RAB30: variants seen among roughly 807,000 people sequenced by gnomAD.
RAB30 encodes the protein RAB30, member RAS oncogene family.
In RAB30, 9 loss-of-function variants were observed where a neutral mutation model predicts 25.1. That is an observed-to-expected ratio of 0.36 (90% CI 0.22 to 0.63). The LOEUF (loss-of-function observed/expected upper bound fraction) is 0.63, where lower values mean the gene tolerates loss of function less well. RAB30 is among the 20% of genes least tolerant of loss of function. RAB30 has a pLI of 0.69. For missense variants in RAB30, 140 were observed against 243.5 expected (o/e 0.58, Z 2.83); for synonymous variants, 77 against 86.4 (o/e 0.89, Z 0.60).
intron 1 of RAB30, among the ~76,000 whole-genome samples, chr11:83,015,599 A>G (rs1857418571): frequency 6.6e-6 from 1 of 152,208 alleles, no homozygotes. Flanking sequence ...CTAAAGATAC[A>G]AACGTGAGGG....
intron 1 of RAB30, among the ~76,000 whole-genome samples, chr11:83,013,133 G>GA (rs1199874383): frequency 6.6e-6 from 1 of 151,826 alleles, no homozygotes; most frequent in Non-Finnish European, 1.5e-5. Context: ...CCCCAGGCTG[G>GA]AGTGCAATGG....
rs150071694 is a variant in RAB30 at position 83,035,053 on chromosome 11, G to A, written c.-9+36638C>T. 3.2e-3 allele frequency among the ~76,000 whole-genome samples: 481 copies of A among 151,294 alleles called. 1 individual carries two copies. Among genetic ancestry groups the A allele is most frequent in the African/African-American group, 0.011 (451 of 41,174 alleles). ...CTAAGCTAATATTTTTACATGCACC[G>A]TATCATCTAATCCTCACAGCAACTA... On this transcript the variant is annotated intron_variant, in intron 1 of 4. Coordinates refer to ENST00000527633, the MANE Select transcript of RAB30 (RefSeq NM_001286060.2).
intron 1 of RAB30, among the ~76,000 whole-genome samples, chr11:83,031,604 C>T (rs898545204): frequency 2.0e-5 from 3 of 151,580 alleles, no homozygotes; most frequent in East Asian, 1.9e-4. Context: ...CTCGGCACAC[C>T]GCAACCTCCG....
intron 1 of RAB30, among the ~76,000 whole-genome samples, chr11:83,047,103 A>G (rs1858251510): frequency 6.6e-6 from 1 of 152,158 alleles, no homozygotes; most frequent in African/African-American, 2.4e-5. Flanking sequence ...TGCAGCAGCA[A>G]CCCTAAGAAC....
At chr11:83,018,297 C>CAAAAAAAAAAAAA (rs904843218) in intron 1 of RAB30, among the ~76,000 whole-genome samples, 1 of 68,562 alleles carries the variant, frequency 1.5e-5, no homozygotes, top group African/African-American at 4.4e-5. Flanking sequence ...GACTCCATCT[C>CAAAAAAAAAAAAA]AAAAAAAAAA....
intron 2 of RAB30, among the ~76,000 whole-genome samples, chr11:82,994,515 G>C (rs1856920321): frequency 6.6e-6 from 1 of 152,160 alleles, no homozygotes; most frequent in Non-Finnish European, 1.5e-5. Flanking sequence ...GGAAGGGTCA[G>C]GGCAAAATGG....
chr11:83,015,801 G>A (rs559959811), intron 1 of RAB30, among the ~76,000 whole-genome samples: 7 of 152,264 alleles, frequency 4.6e-5, no homozygotes, highest in African/African-American at 1.4e-4. Flanking sequence ...AGAAAATGGT[G>A]ATCAGTCTTG....
intron 4 of RAB30, among the ~76,000 whole-genome samples, chr11:82,986,362 ATTGTG>A (rs1856738516): frequency 6.6e-6 from 1 of 152,176 alleles, no homozygotes; most frequent in Admixed American, 6.5e-5. Flanking sequence ...CCATAGTAAA[ATTGTG>A]TTTTAAGCCA....
At chr11:83,029,159 G>A (rs1038972663) in intron 1 of RAB30, among the ~76,000 whole-genome samples, 4 of 152,070 alleles carry the variant, frequency 2.6e-5, no homozygotes, top group African/African-American at 9.7e-5. Flanking sequence ...CCAGAATAAA[G>A]AAGTATAACT....
chr11:83,013,699 C>T (rs1289113434), intron 1 of RAB30, among the ~76,000 whole-genome samples: 1 of 152,138 alleles, frequency 6.6e-6, no homozygotes, highest in African/African-American at 2.4e-5. Context: ...TGCTACAATG[C>T]AGTGTCTCTG....
At chr11:82,982,489 T>C in intron 4 of RAB30, 74 bp from the exon 5 acceptor site, 3 of 1,495,736 alleles carry the variant, frequency 2.0e-6, no homozygotes, top group Non-Finnish European at 2.7e-6. Flanking sequence ...AAAATTCAAC[T>C]CCATATCTGA....
intron 1 of RAB30, among the ~76,000 whole-genome samples, chr11:83,063,975 C>T (rs1858638306): frequency 6.6e-6 from 1 of 152,056 alleles, no homozygotes; most frequent in African/African-American, 2.4e-5. Context: ...AATAATATTG[C>T]TAGTACACAT....
Position 82,974,622 on chromosome 11 carries a change from C to T in RAB30, c.*7543G>A, listed in dbSNP as rs550763415. 5 of 152,116 alleles carry T rather than the reference C, an allele frequency of 3.3e-5. No individual in the cohort carries two copies. In the South Asian group the frequency reaches 1.0e-3, roughly 32 times the overall value. The allele number at this position is 152,116 out of a possible 1,614,324, so 9.4% of individuals were successfully genotyped here. ...ATAGCCAAATATCAAGAATCGAGTT[C>T]ATAAAACTCAGTGATTAACCTGTTT... is the stretch of plus-strand genomic sequence containing the variant. On this transcript the variant is annotated 3_prime_UTR_variant, in exon 5 of 5. Transcript: ENST00000527633.
intron 4 of RAB30, among the ~76,000 whole-genome samples, chr11:82,984,881 A>G (rs1269529993): frequency 6.6e-6 from 1 of 152,180 alleles, no homozygotes; most frequent in Non-Finnish European, 1.5e-5. Context: ...TGTCAAAAGG[A>G]CTCAGGAGCC....
intron 1 of RAB30, among the ~76,000 whole-genome samples, chr11:83,025,291 C>G (rs940238485): frequency 6.6e-6 from 1 of 152,144 alleles, no homozygotes; most frequent in African/African-American, 2.4e-5. Flanking sequence ...AGACCATAAG[C>G]CTTTTAATCA....
intron 1 of RAB30, among the ~76,000 whole-genome samples, chr11:83,033,789 G>A (rs113903079): frequency 3.9e-5 from 6 of 152,196 alleles, no homozygotes; most frequent in African/African-American, 1.4e-4. Flanking sequence ...AATTCAGCAT[G>A]TCACCCTCAG....
intron 1 of RAB30, among the ~76,000 whole-genome samples, chr11:83,029,620 C>T (rs1188615169): frequency 6.6e-6 from 1 of 151,942 alleles, no homozygotes; most frequent in Non-Finnish European, 1.5e-5. Flanking sequence ...TCCTATGTAC[C>T]TCAGAACTCA....
At chr11:83,058,343 A>G (rs1858497800) in intron 1 of RAB30, among the ~76,000 whole-genome samples, 1 of 152,244 alleles carries the variant, frequency 6.6e-6, no homozygotes, top group Admixed American at 6.5e-5. Context: ...TTTATGGCAA[A>G]AAATAAAATA....
At chr11:83,038,693 C>G (rs750567947) in intron 1 of RAB30, 1 of 151,884 alleles carries the variant, frequency 6.6e-6, no homozygotes, top group African/African-American at 2.4e-5. Context: ...TGGTGGTGGG[C>G]GCCTATAATC....
Sources: gnomAD v4.1 joint callset for allele counts (sites outside exome capture counted in the v4.1 genomes callset) on GRCh38, gnomAD v4.1.1 for gene constraint, MANE v1.5 for transcripts, NCBI Gene and HGNC (gene_info 2026-07-23, HGNC 2026-07-21) for gene names.